Variants in GRIA3 observed in about 807,000 individuals in gnomAD.
The protein encoded by GRIA3 is glutamate ionotropic receptor AMPA type subunit 3.
In GRIA3, 3 loss-of-function variants were observed where a neutral mutation model predicts 63.0. That is an observed-to-expected ratio of 0.05 (90% CI 0.02 to 0.12). The LOEUF is 0.12. Ranked by LOEUF, GRIA3 falls within the 10% of genes least tolerant of loss-of-function variation. GRIA3 has a pLI of 1.00. For synonymous variants in GRIA3, 274 were observed against 257.9 expected (o/e 1.06, Z -0.60); for missense variants, 347 against 700.9 (o/e 0.50, Z 5.70).
chrX:123,358,307 A>G (rs2045146692), intron 5 of GRIA3: 1 of 112,137 alleles, frequency 8.9e-6, no homozygotes, highest in South Asian at 3.7e-4. Context: ...AAGAATATTT[A>G]AGCTACTTAA....
chrX:123,318,870 G>T lies in GRIA3; in HGVS notation c.509-7156G>T, dbSNP rs1026773726. Among the ~76,000 whole-genome samples the T allele has an allele frequency of 6.3e-5, 7 of 111,701 alleles. 1 individual carries two copies. Among genetic ancestry groups the T allele is most frequent in the Middle Eastern group, 4.6e-3 (1 of 217 alleles). The stretch of plus-strand genomic sequence containing the variant: ...TGTATTAGTTCATTTTCACACTGCT[G>T]ATAAAGACATACCCGAAAGTGGGAA... On this transcript the variant is annotated intron_variant, in intron 3 of 15. Coordinates refer to ENST00000620443, the MANE Select transcript of GRIA3 (RefSeq NM_007325.5).
At chrX:123,288,708 A>T (rs1008865564) in intron 3 of GRIA3, among the ~76,000 whole-genome samples, 1 of 112,480 alleles carries the variant, frequency 8.9e-6, no homozygotes, top group Non-Finnish European at 1.9e-5. Flanking sequence ...GCAAATCAAA[A>T]CCACAATGAG....
At position 123,295,891 on chromosome X, in the gene GRIA3, T is replaced by C. The variant is rs773010673; in HGVS notation, c.509-30135T>C. 5.4e-5 allele frequency among the ~76,000 whole-genome samples: 6 copies of C among 111,405 alleles called. No homozygotes were observed. The South Asian group carries it at 2.3e-3, about 42-fold the overall frequency. On this transcript the variant is annotated intron_variant, in intron 3 of 15. Transcript: ENST00000620443. ...ATCTCCATCCTTTAAAATGTTGGAATGTATCACTAAGTGATATGTGTGTAG... is the reference window on the plus strand; with the variant it reads ...ATCTCCATCCTTTAAAATGTTGGAACGTATCACTAAGTGATATGTGTGTAG...
chrX:123,328,021 T>G (rs926433042), intron 4 of GRIA3, among the ~76,000 whole-genome samples: 1 of 111,801 alleles, frequency 8.9e-6, no homozygotes, highest in Non-Finnish European at 1.9e-5. Context: ...TCTTCTTTTG[T>G]ATTAGTGACT....
At chrX:123,246,879 C>CAAA (rs11435824) in intron 2 of GRIA3, among the ~76,000 whole-genome samples, 1 of 92,086 alleles carries the variant, frequency 1.1e-5, no homozygotes. Flanking sequence ...TACTGTCTTT[C>CAAA]AAAAAAAAAA....
At chrX:123,456,803 C>T (rs1296977609) in intron 12 of GRIA3, among the ~76,000 whole-genome samples, 1 of 111,510 alleles carries the variant, frequency 9.0e-6, no homozygotes, top group Middle Eastern at 4.2e-3. Flanking sequence ...TGTGAGGCAA[C>T]ATTTGCTCCT....
chrX:123,279,630 T>C (rs2044573985), intron 3 of GRIA3, among the ~76,000 whole-genome samples: 1 of 111,562 alleles, frequency 9.0e-6, no homozygotes, highest in Non-Finnish European at 1.9e-5. Context: ...TGTACAGAAG[T>C]ATGCAAGGTG....
intron 4 of GRIA3, among the ~76,000 whole-genome samples, chrX:123,350,733 A>C (rs2045089075): frequency 8.9e-6 from 1 of 112,422 alleles, no homozygotes; most frequent in African/African-American, 3.2e-5. Context: ...TTGACAAATA[A>C]TTTGATGCTA....
intron 12 of GRIA3, among the ~76,000 whole-genome samples, chrX:123,458,179 C>T (rs1041424566): frequency 9.1e-6 from 1 of 109,317 alleles, no homozygotes; most frequent in African/African-American, 3.3e-5. Flanking sequence ...CTCATTCCAC[C>T]GACACATAGT....
At chrX:123,252,306 T>C (rs2044395157) in intron 2 of GRIA3, among the ~76,000 whole-genome samples, 1 of 112,334 alleles carries the variant, frequency 8.9e-6, no homozygotes. Flanking sequence ...GGTTTTCTAG[T>C]AGGTAAGGGA....
chrX:123,378,913 A>G (rs1158489449), intron 5 of GRIA3, among the ~76,000 whole-genome samples: 1 of 105,935 alleles, frequency 9.4e-6, no homozygotes, highest in African/African-American at 3.4e-5. Flanking sequence ...TATTCAGATT[A>G]GTTTTTTTTT....
At position 123,288,371 on chromosome X, in the gene GRIA3, C is replaced by T. The variant is rs2044634423; in HGVS notation, c.508+34829C>T. On this transcript the variant is annotated intron_variant, in intron 3 of 15. Coordinates refer to ENST00000620443, the MANE Select transcript of GRIA3 (RefSeq NM_007325.5). ...ATAGGCATGGGCAAAGACTTCATGA[C>T]TAAAACACCAAAAGCAATGGCAACA... Among the ~76,000 whole-genome samples the T allele has an allele frequency of 2.7e-5, 3 of 112,497 alleles. 1 individual carries two copies. The highest frequency in any genetic ancestry group is 9.1e-3 in the Middle Eastern group (2 of 219).
At chrX:123,296,846 G>A (rs1464549546) in intron 3 of GRIA3, among the ~76,000 whole-genome samples, 1 of 111,251 alleles carries the variant, frequency 9.0e-6, no homozygotes, top group African/African-American at 3.3e-5. Context: ...GGCTTTGCAT[G>A]TAGCAGGGTT....
chrX:123,380,361 T>C (rs1447003843), intron 5 of GRIA3, among the ~76,000 whole-genome samples: 3 of 111,157 alleles, frequency 2.7e-5, no homozygotes, highest in East Asian at 5.6e-4. Flanking sequence ...TGGTATCTCA[T>C]TGTGGTTTTG....
chrX:123,364,948 T>C (rs1352126811), intron 5 of GRIA3, among the ~76,000 whole-genome samples: 1 of 112,218 alleles, frequency 8.9e-6, no homozygotes, highest in Non-Finnish European at 1.9e-5. Flanking sequence ...GAATGGTGGT[T>C]ACCAGAGGCT....
intron 3 of GRIA3, among the ~76,000 whole-genome samples, chrX:123,321,607 T>A (rs1157690812): frequency 8.9e-6 from 1 of 112,473 alleles, no homozygotes; most frequent in Non-Finnish European, 1.9e-5. Context: ...GAGCGGGTTT[T>A]CACTTGTTTA....
intron 13 of GRIA3, among the ~76,000 whole-genome samples, chrX:123,471,554 A>G (rs1470358778): frequency 9.0e-6 from 1 of 111,664 alleles, no homozygotes; most frequent in East Asian, 2.8e-4. Context: ...GCTGTTATAC[A>G]ATTGCCAAGA....
chrX:123,454,347 A>G (rs1022539195), intron 12 of GRIA3, among the ~76,000 whole-genome samples: 4 of 111,828 alleles, frequency 3.6e-5, no homozygotes, highest in Non-Finnish European at 7.5e-5. Context: ...ATATAATAGT[A>G]TAATCTATTT....
chrX:123,423,278 TCCAGATTAGTTGACA>T (rs1355250583), intron 11 of GRIA3, among the ~76,000 whole-genome samples: 18 of 112,053 alleles, frequency 1.6e-4, no homozygotes, highest in Admixed American at 2.9e-4. Flanking sequence ...AGGGGGTCTG[TCCAGATTAGTTGACA>T]CGTAGATCCT....
Sources: allele counts gnomAD v4.1 joint callset (sites outside exome capture counted in the v4.1 genomes callset), GRCh38; gene constraint gnomAD v4.1.1; transcripts MANE v1.5; gene names NCBI Gene and HGNC (gene_info 2026-07-23, HGNC 2026-07-21).